The following COG5 variants were observed in gnomAD, a reference collection of about 807,000 sequenced individuals.
The protein encoded by COG5 is component of oligomeric golgi complex 5, also known as conserved oligomeric Golgi complex subunit 5.
In COG5, 86 loss-of-function variants were observed where a neutral mutation model predicts 110.4. That is an observed-to-expected ratio of 0.78 (90% CI 0.65 to 0.93). COG5 has a LOEUF of 0.93. Among genes scored for constraint, COG5 ranks in the 40% least tolerant of loss-of-function variants. The pLI is 0.00. For missense variants in COG5, 1,077 were observed against 987.0 expected, an observed-to-expected ratio of 1.09 and a Z score of -1.22; for synonymous variants, 360 against 334.6, an observed-to-expected ratio of 1.08 and a Z score of -0.83.
chr7:107,524,867 C>T (rs576217643), intron 6 of COG5, among the ~76,000 whole-genome samples: 5 of 152,290 alleles, frequency 3.3e-5, no homozygotes, highest in Non-Finnish European at 5.9e-5. Context: ...AATGGTTTTA[C>T]ACTGCATTAT....
chr7:107,429,551 C>A (rs1318615950), intron 6 of COG5, among the ~76,000 whole-genome samples: 2 of 151,980 alleles, frequency 1.3e-5, no homozygotes, highest in African/African-American at 4.8e-5. Flanking sequence ...TTTCAACCTC[C>A]AGAGTAGCAG....
At position 107,482,710 on chromosome 7, in the gene COG5, T is replaced by G. The variant is rs192648211; in HGVS notation, c.538+44527A>C. ...AGATTTCTAAGAAATATAATGTTGT[T>G]TCTTTAAACAAGGTTATCTAGACAA... is the stretch of plus-strand genomic sequence containing the variant. On this transcript the variant is annotated intron_variant, in intron 6 of 21. Transcript: ENST00000297135. 5.3e-5 allele frequency among the ~76,000 whole-genome samples: 8 copies of G among 152,286 alleles called. No individual in the cohort carries two copies. In the East Asian group the frequency reaches 1.5e-3, roughly 29 times the overall value.
Position 107,362,122 on chromosome 7 carries a change from C to T in COG5, c.949-12G>A, listed in dbSNP as rs1436314051. The T allele has an allele frequency of 6.3e-7, 1 of 1,590,226 alleles. No individual in the cohort carries two copies. Among genetic ancestry groups the T allele is most frequent in the Non-Finnish European group, 8.6e-7 (1 of 1,161,058 alleles). ...TGTAGATGTTGTACCTTAAATGAAA[C>T]AAATGTAAAGCTTAGGCAATAGAAA... On this transcript the variant is annotated splice_polypyrimidine_tract_variant and intron_variant, in intron 9 of 21. Transcript: ENST00000297135.
chr7:107,530,395 A>C (rs1206215144), intron 5 of COG5, among the ~76,000 whole-genome samples: 1 of 152,186 alleles, frequency 6.6e-6, no homozygotes, highest in East Asian at 1.9e-4. Context: ...TTAGGTCGAG[A>C]GTTCGAGACC....
At chr7:107,475,256 C>A in intron 6 of COG5, 1 of 1,600,676 alleles carries the variant, frequency 6.2e-7, no homozygotes, top group Non-Finnish European at 8.6e-7. Context: ...CCTAATAATG[C>A]TGTAATACAC....
intron 18 of COG5, among the ~76,000 whole-genome samples, chr7:107,235,404 C>A (rs542403866): frequency 6.6e-6 from 1 of 152,340 alleles, no homozygotes; most frequent in South Asian, 2.1e-4. Context: ...CTTTGAAAGG[C>A]TTAAAAATGA....
intron 7 of COG5, among the ~76,000 whole-genome samples, chr7:107,378,154 C>A (rs574392640): frequency 6.6e-6 from 1 of 152,138 alleles, no homozygotes; most frequent in African/African-American, 2.4e-5. Context: ...CTCCAGCAAA[C>A]TCCAGCAGAC....
intron 21 of COG5, among the ~76,000 whole-genome samples, chr7:107,207,604 CTATCTT>C: frequency 6.6e-6 from 1 of 152,322 alleles, no homozygotes; most frequent in Admixed American, 6.5e-5. Flanking sequence ...ATCAAAGACT[CTATCTT>C]TATTGAAAAC....
Position 107,383,113 on chromosome 7 carries a change from C to T in COG5, c.670-10353G>A, listed in dbSNP as rs187909320. On this transcript the variant is annotated intron_variant, in intron 7 of 21. Coordinates refer to ENST00000297135, the MANE Select transcript of COG5 (RefSeq NM_006348.5). ...GCTAACCAAAGCCAAGCACCACGCA[C>T]CCAAATCCTGGCAAGCATGACTATA... Among the ~76,000 whole-genome samples the T allele has an allele frequency of 2.1e-3, 320 of 152,288 alleles. 2 individuals are homozygous for T. The highest frequency in any genetic ancestry group is 7.3e-3 in the African/African-American group (303 of 41,570).
chr7:107,209,704 A>G (rs1216419493), intron 21 of COG5: 9 of 510,720 alleles, frequency 1.8e-5, no homozygotes, highest in Non-Finnish European at 2.3e-5. Flanking sequence ...CTCTGAGAGG[A>G]CAGGGCCATA....
At chr7:107,431,347 A>G (rs1322576356) in intron 6 of COG5, among the ~76,000 whole-genome samples, 1 of 152,248 alleles carries the variant, frequency 6.6e-6, no homozygotes, top group Admixed American at 6.5e-5. Flanking sequence ...AATAATTGAT[A>G]AAACAGGCAG....
rs1294914078 is a variant in COG5, at chr7:107,298,296, G to A, written c.1159C>T (p.Arg387Cys). The A allele has an allele frequency of 3.0e-5, 49 of 1,613,392 alleles. No homozygotes were observed. Among genetic ancestry groups the A allele is most frequent in the Non-Finnish European group, 3.7e-5 (44 of 1,179,708 alleles). Residue 387 changes from arginine to cysteine, a missense_variant, in exon 12 of 22, where the codon CGT becomes TGT. By Grantham distance (180) the Arg-to-Cys change is radical. Coordinates refer to ENST00000297135, the MANE Select transcript of COG5 (RefSeq NM_006348.5). ...CGCTTCCATAAGTCATTATAAAGAC[G>A]TAATAATTTAGGGTATTCTCCTTCA... ...AFEGEYPKLLRLYNDLWKRLQ... is the reference protein window; with the variant it reads ...AFEGEYPKLLCLYNDLWKRLQ...
Position 107,248,370 on chromosome 7 carries a change from G to C in COG5, c.1853+26C>G, listed in dbSNP as rs780588101. 18 of 1,396,900 alleles carry C rather than the reference G, an allele frequency of 1.3e-5. No homozygotes were observed. In the South Asian group the frequency reaches 2.1e-4, roughly 16 times the overall value. The allele number at this position is 1,396,900 out of a possible 1,614,324, so 86.5% of individuals were successfully genotyped here. ...TACAAAATAAAGGCAGTAAAAGTTA[G>C]TAAAAATTTGGTTAGAAGTAATTAC... On this transcript the variant is annotated intron_variant, in intron 17 of 21. Coordinates refer to ENST00000297135, the MANE Select transcript of COG5 (RefSeq NM_006348.5).
rs532730436 is a variant in COG5, at chr7:107,296,925, G to C, written c.1313+1217C>G. 1.8e-3 allele frequency among the ~76,000 whole-genome samples: 268 copies of C among 152,282 alleles called. 2 individuals are homozygous for C. Among genetic ancestry groups the C allele is most frequent in the Non-Finnish European group, 2.7e-3 (182 of 68,032 alleles). On this transcript the variant is annotated intron_variant, in intron 12 of 21. Coordinates refer to ENST00000297135, the MANE Select transcript of COG5 (RefSeq NM_006348.5). Reference sequence around the variant, plus strand: ...CCTTGACACAATAAATATGATTCTAGTGTTTAAAGAAAGGTGTGAAAGCCA... The same window carrying C: ...CCTTGACACAATAAATATGATTCTACTGTTTAAAGAAAGGTGTGAAAGCCA...
At chr7:107,303,432 GT>G (rs1183429676) in intron 11 of COG5, among the ~76,000 whole-genome samples, 1 of 151,826 alleles carries the variant, frequency 6.6e-6, no homozygotes, top group Non-Finnish European at 1.5e-5. Flanking sequence ...TTGTTTGTTT[GT>G]TTTTTGTTTT....
intron 17 of COG5, among the ~76,000 whole-genome samples, chr7:107,240,589 T>C (rs1302514902): frequency 6.6e-6 from 1 of 152,222 alleles, no homozygotes; most frequent in East Asian, 1.9e-4. Context: ...GTAAACTTTA[T>C]TCCTTTTACT....
chr7:107,262,982 C>A (rs1175765317), intron 14 of COG5, among the ~76,000 whole-genome samples: 1 of 152,160 alleles, frequency 6.6e-6, no homozygotes, highest in Non-Finnish European at 1.5e-5. Flanking sequence ...TTCAAATTTT[C>A]TTTTCACTTT....
intron 7 of COG5, among the ~76,000 whole-genome samples, chr7:107,409,554 A>G (rs970980817): frequency 3.3e-5 from 5 of 152,222 alleles, no homozygotes; most frequent in South Asian, 2.1e-4. Flanking sequence ...TAGTTACATA[A>G]TAAGATATAA....
At chr7:107,220,209 T>C (rs1358216266) in intron 19 of COG5, among the ~76,000 whole-genome samples, 1 of 152,192 alleles carries the variant, frequency 6.6e-6, no homozygotes, top group African/African-American at 2.4e-5. Flanking sequence ...CAAAGACCTC[T>C]AGAGAAAGCA....
Sources: gnomAD v4.1 joint callset for allele counts (sites outside exome capture counted in the v4.1 genomes callset) on GRCh38, gnomAD v4.1.1 for gene constraint, MANE v1.5 for transcripts, NCBI Gene and HGNC (gene_info 2026-07-23, HGNC 2026-07-21) for gene names.